ARFGAP3: variants seen among roughly 807,000 people sequenced by gnomAD.
The protein encoded by ARFGAP3 is ADP-ribosylation factor GTPase-activating protein 3.
In ARFGAP3, 72 loss-of-function variants were observed where a neutral mutation model predicts 75.0. The observed-to-expected ratio is 0.96, with a 90% CI of 0.79 to 1.17. The LOEUF (loss-of-function observed/expected upper bound fraction) is 1.17. Among genes scored for constraint, ARFGAP3 ranks in the 50% most tolerant of loss-of-function variants. The pLI is 0.00. For missense variants in ARFGAP3, 620 were observed against 626.6 expected, an observed-to-expected ratio of 0.99 and a Z score of 0.11; for synonymous variants, 221 against 217.9, an observed-to-expected ratio of 1.01 and a Z score of -0.13.
chr22:42,820,504 G>C (rs746397932), intron 9 of ARFGAP3, among the ~76,000 whole-genome samples: 33 of 152,198 alleles, frequency 2.2e-4, no homozygotes, highest in Admixed American at 3.9e-4. Context: ...CATTTACTGA[G>C]CACCTACTAT....
At chr22:42,855,936 G>A (rs1927477464) in intron 1 of ARFGAP3, among the ~76,000 whole-genome samples, 1 of 152,098 alleles carries the variant, frequency 6.6e-6, no homozygotes, top group Admixed American at 6.6e-5. Flanking sequence ...GCCTCATCAG[G>A]AGGCTGGGAA....
chr22:42,808,922 C>T (rs1925246305), intron 12 of ARFGAP3, 32 bp from the exon 13 acceptor site: 2 of 1,556,538 alleles, frequency 1.3e-6, no homozygotes, highest in East Asian at 4.6e-5. Flanking sequence ...TTAGGTTAAA[C>T]TAATTTGAGG....
chr22:42,804,476 G>T (rs5996239), intron 14 of ARFGAP3, among the ~76,000 whole-genome samples: 28,209 of 147,240 alleles, frequency 0.19, 4,295 homozygotes, highest in East Asian at 0.56. Context: ...CCACCTCCCA[G>T]GTTCAAGCGA....
intron 6 of ARFGAP3, among the ~76,000 whole-genome samples, chr22:42,828,656 A>G (rs1426041480): frequency 1.3e-5 from 2 of 150,742 alleles, no homozygotes; most frequent in Non-Finnish European, 2.9e-5. Flanking sequence ...TCCTGTGGCT[A>G]ACCCTCAATC....
At chr22:42,824,592 T>C (rs1182067997) in intron 7 of ARFGAP3, among the ~76,000 whole-genome samples, 1 of 151,914 alleles carries the variant, frequency 6.6e-6, no homozygotes, top group Non-Finnish European at 1.5e-5. Context: ...CTTGAACTCC[T>C]GGCCTCAAGT....
chr22:42,806,949 G>T, intron 14 of ARFGAP3, 124 bp downstream of exon 14: 2 of 976,010 alleles, frequency 2.0e-6, no homozygotes, highest in Non-Finnish European at 2.9e-6. Flanking sequence ...CTGACTTATA[G>T]CAGAGATCAG....
chr22:42,832,504 G>A (rs1467192385), intron 5 of ARFGAP3, among the ~76,000 whole-genome samples: 6 of 149,480 alleles, frequency 4.0e-5, no homozygotes, highest in East Asian at 2.0e-4. Flanking sequence ...GCACTCCAAC[G>A]TGGGTGACAG....
intron 9 of ARFGAP3, among the ~76,000 whole-genome samples, chr22:42,821,561 T>G (rs761569034): frequency 1.7e-4 from 26 of 152,242 alleles, no homozygotes; most frequent in Admixed American, 7.9e-4. Flanking sequence ...CAGGACTACA[T>G]TCCTTTTTGT....
At chr22:42,840,186 C>A (rs920284710) in intron 3 of ARFGAP3, among the ~76,000 whole-genome samples, 3 of 152,184 alleles carry the variant, frequency 2.0e-5, no homozygotes, top group Admixed American at 2.0e-4. Context: ...CCTGCCTCAG[C>A]CTCCCAAAGT....
chr22:42,829,548 G>C (rs79614535), intron 6 of ARFGAP3, among the ~76,000 whole-genome samples: 2 of 50,410 alleles, frequency 4.0e-5, no homozygotes, highest in African/African-American at 1.5e-4. Flanking sequence ...AAAGAATGTG[G>C]AAAAAAAAAA....
chr22:42,812,219 T>C, intron 11 of ARFGAP3, among the ~76,000 whole-genome samples: 1 of 91,642 alleles, frequency 1.1e-5, no homozygotes, highest in South Asian at 3.8e-4. Flanking sequence ...AGTGGGATAC[T>C]GTCTCAAAAA....
intron 3 of ARFGAP3, among the ~76,000 whole-genome samples, chr22:42,837,507 GCTACTTGGGAGGCTGAGTGAGAGAATCA>G (rs1198728753): frequency 6.6e-6 from 1 of 151,152 alleles, no homozygotes; most frequent in African/African-American, 2.4e-5. Context: ...TGTAGTCCCA[GCTACTTGGGAGGCTGAGTGAGAGAATCA>G]CCTGAGCCCA....
At chr22:42,818,200 A>C (rs1260548427) in intron 9 of ARFGAP3, among the ~76,000 whole-genome samples, 12 of 152,186 alleles carry the variant, frequency 7.9e-5, no homozygotes, top group Non-Finnish European at 2.9e-5. Flanking sequence ...TTAATATTTT[A>C]TTACACTTCC....
chr22:42,839,993 C>T lies in ARFGAP3; in HGVS notation c.261+951G>A, dbSNP rs543672918. Among the ~76,000 whole-genome samples, 4 of 152,254 alleles carry T rather than the reference C, an allele frequency of 2.6e-5. No individual in the cohort carries two copies. In the South Asian group the frequency reaches 6.2e-4, roughly 24 times the overall value. On this transcript the variant is annotated intron_variant, in intron 3 of 15. Transcript: ENST00000263245. ...TCAACCAGGCTGGAGCACAATGGTG[C>T]GATCTCAGCTCACTGCAACCTCTAC...
Position 42,837,675 on chromosome 22 carries a change from C to CTTTTTTTTTT in ARFGAP3, c.262-2192_262-2183dup, listed in dbSNP as rs71186547. Among the ~76,000 whole-genome samples the CTTTTTTTTTT allele has an allele frequency of 1.5e-3, 114 of 75,662 alleles. 11 individuals carry two copies. The highest frequency in any genetic ancestry group is 5.4e-3 in the African/African-American group (86 of 16,052). 49.6% of individuals were successfully genotyped at this position (75,662 alleles called of 152,430 possible). A position where few individuals can be genotyped will look rare whatever the true frequency, so the allele number is the denominator to read the frequency against. ...GCCTTGAAACATCTAAGGCATACTT[C>CTTTTTTTTTT]TTTTTTTTTTTTTTTTTTTTTTGAG... On this transcript the variant is annotated intron_variant, in intron 3 of 15. Transcript: ENST00000263245.
At chr22:42,839,124 A>AG (rs1491399348) in intron 3 of ARFGAP3, among the ~76,000 whole-genome samples, 87 of 32,364 alleles carry the variant, frequency 2.7e-3, no homozygotes, top group African/African-American at 8.0e-3. Flanking sequence ...AAAAAAAAAG[A>AG]AAAAAAAAAA....
chr22:42,840,122 A>G (rs5758977), intron 3 of ARFGAP3, among the ~76,000 whole-genome samples: 99,538 of 151,722 alleles, frequency 0.66, 34,557 homozygotes, highest in African/African-American at 0.88. Flanking sequence ...GCAGAAACGG[A>G]GTTTTGTCAT....
At chr22:42,803,011 T>C (rs1258540118) in intron 14 of ARFGAP3, among the ~76,000 whole-genome samples, 1 of 152,112 alleles carries the variant, frequency 6.6e-6, no homozygotes, top group East Asian at 1.9e-4. Context: ...GCATTGTTTG[T>C]TTGAGACAGG....
Position 42,797,519 on chromosome 22 carries a change from G to A in ARFGAP3, c.*69C>T, listed in dbSNP as rs372101507. On this transcript the variant is annotated 3_prime_UTR_variant, in exon 16 of 16. Transcript: ENST00000263245. ...GCAAAACTATCTGGACTTCACTGCC[G>A]CCTGAGATGTGGTTACTTGTTCATT... is the stretch of plus-strand genomic sequence containing the variant. 7.5e-6 allele frequency: 12 copies of A among 1,596,250 alleles called. No homozygotes were observed. The highest frequency in any genetic ancestry group is 4.0e-5 in the African/African-American group (3 of 74,436).
Sources: gnomAD v4.1 joint callset for allele counts (sites outside exome capture counted in the v4.1 genomes callset) on GRCh38, gnomAD v4.1.1 for gene constraint, MANE v1.5 for transcripts, NCBI Gene and HGNC (gene_info 2026-07-23, HGNC 2026-07-21) for gene names.